LYPLAL1: variants seen among roughly 807,000 people sequenced by gnomAD.
The protein encoded by LYPLAL1 is lysophospholipase-like protein 1.
A neutral mutation model predicts 19.7 loss-of-function variants in LYPLAL1; 23 were observed. The ratio of observed to expected loss-of-function variants is 1.17; its 90% CI spans 0.84 to 1.65. The LOEUF (loss-of-function observed/expected upper bound fraction) is 1.65, where lower values mean the gene tolerates loss of function less well. LYPLAL1 is among the 40% of genes most tolerant of loss of function. The pLI, the probability that LYPLAL1 is intolerant of heterozygous loss-of-function variation, is 0.00. For synonymous variants in LYPLAL1, 119 were observed against 96.3 expected (o/e 1.24, Z -1.38); for missense variants, 355 against 279.4 (o/e 1.27, Z -1.93).
the LYPLAL1 span, among the ~76,000 whole-genome samples, chr1:219,403,124 G>A: frequency 6.6e-6 from 1 of 152,320 alleles, no homozygotes; most frequent in Non-Finnish European, 1.5e-5. Context: ...CATCATAGTA[G>A]TCAGAAAGAC....
chr1:219,273,936 A>G, the LYPLAL1 span, among the ~76,000 whole-genome samples: 1 of 151,934 alleles, frequency 6.6e-6, no homozygotes, highest in Non-Finnish European at 1.5e-5. Flanking sequence ...AATTTTTTAT[A>G]TGTTTAGCAG....
At chr1:219,398,258 C>A in the LYPLAL1 span, among the ~76,000 whole-genome samples, 1 of 152,100 alleles carries the variant, frequency 6.6e-6, no homozygotes, top group Admixed American at 6.5e-5. Flanking sequence ...CCCTTTTATT[C>A]TTTTTTTCTC....
At chr1:219,364,610 T>G in the LYPLAL1 span, among the ~76,000 whole-genome samples, 1 of 152,182 alleles carries the variant, frequency 6.6e-6, no homozygotes, top group Non-Finnish European at 1.5e-5. Context: ...GAATGCAAAC[T>G]CCATAGTGTG....
At chr1:219,380,531 C>T in the LYPLAL1 span, among the ~76,000 whole-genome samples, 2 of 152,194 alleles carry the variant, frequency 1.3e-5, no homozygotes, top group Non-Finnish European at 1.5e-5. Flanking sequence ...GTGCTGGATT[C>T]GAAGCTGTCA....
chr1:219,306,800 G>GATAGATA, the LYPLAL1 span, among the ~76,000 whole-genome samples: 15 of 102,356 alleles, frequency 1.5e-4, no homozygotes, highest in African/African-American at 4.2e-4. Flanking sequence ...ATAGACAGAT[G>GATAGATA]CATAGATAGA....
chr1:219,263,696 G>A, the LYPLAL1 span, among the ~76,000 whole-genome samples: 2 of 152,152 alleles, frequency 1.3e-5, no homozygotes, highest in South Asian at 2.1e-4. Flanking sequence ...ACCTGGGAGT[G>A]CCTACAGGGC....
chr1:219,355,660 C>T, the LYPLAL1 span, among the ~76,000 whole-genome samples: 17 of 151,778 alleles, frequency 1.1e-4, no homozygotes, highest in Non-Finnish European at 2.1e-4. Context: ...TACATGAAAT[C>T]GCAAATATAC....
chr1:219,251,905 C>T, the LYPLAL1 span, among the ~76,000 whole-genome samples: 1 of 152,018 alleles, frequency 6.6e-6, no homozygotes, highest in Non-Finnish European at 1.5e-5. Flanking sequence ...TTTTCCTATC[C>T]ATGAGCATGA....
chr1:219,394,152 A>T, the LYPLAL1 span, among the ~76,000 whole-genome samples: 4,515 of 152,260 alleles, frequency 0.03, 92 homozygotes, highest in South Asian at 0.058. Flanking sequence ...TAAAAGTAAC[A>T]TGAGATATGA....
the LYPLAL1 span, among the ~76,000 whole-genome samples, chr1:219,230,194 C>T: frequency 2.2e-4 from 34 of 152,276 alleles, no homozygotes; most frequent in African/African-American, 7.7e-4. Flanking sequence ...CTCACTGCAA[C>T]CTCCGCCTCC....
the LYPLAL1 span, among the ~76,000 whole-genome samples, chr1:219,261,993 G>A: frequency 6.6e-6 from 1 of 152,008 alleles, no homozygotes; most frequent in South Asian, 2.1e-4. Flanking sequence ...TTATTCTTAG[G>A]TTTAGTCGTT....
At chr1:219,188,009 G>A (rs546850256) in intron 2 of LYPLAL1, among the ~76,000 whole-genome samples, 2 of 151,808 alleles carry the variant, frequency 1.3e-5, no homozygotes, top group Non-Finnish European at 2.9e-5. Context: ...GATTTTATAA[G>A]AGTTAAAGTC....
chr1:219,429,668 A>T, the LYPLAL1 span, among the ~76,000 whole-genome samples: 584 of 152,276 alleles, frequency 3.8e-3, 4 homozygotes, highest in Middle Eastern at 6.8e-3. Flanking sequence ...AAAAAATAAA[A>T]AAATAAATAA....
chr1:219,330,097 T>G, the LYPLAL1 span, among the ~76,000 whole-genome samples: 1 of 152,160 alleles, frequency 6.6e-6, no homozygotes. Flanking sequence ...TATCCTTCAG[T>G]CATGTGAGGA....
At chr1:219,233,120 T>C in the LYPLAL1 span, among the ~76,000 whole-genome samples, 1 of 152,202 alleles carries the variant, frequency 6.6e-6, no homozygotes, top group Admixed American at 6.5e-5. Context: ...AACCCAAATG[T>C]CCATCAATAG....
At chr1:219,364,076 A>T in the LYPLAL1 span, among the ~76,000 whole-genome samples, 83 of 152,298 alleles carry the variant, frequency 5.4e-4, no homozygotes, top group Non-Finnish European at 4.7e-4. Context: ...TCTGCATGTG[A>T]TGACCAGCTA....
At chr1:219,408,342 T>G in the LYPLAL1 span, among the ~76,000 whole-genome samples, 1 of 152,146 alleles carries the variant, frequency 6.6e-6, no homozygotes, top group Non-Finnish European at 1.5e-5. Context: ...GAGAAGAAAC[T>G]TTGGGTTGAT....
chr1:219,307,059 A>G, the LYPLAL1 span, among the ~76,000 whole-genome samples: 2 of 142,568 alleles, frequency 1.4e-5, no homozygotes, highest in Admixed American at 1.4e-4. Context: ...TATATATATA[A>G]TCATCTCATC....
At chr1:219,189,594 G>A (rs1334597339) in intron 2 of LYPLAL1, among the ~76,000 whole-genome samples, 1 of 151,498 alleles carries the variant, frequency 6.6e-6, no homozygotes, top group African/African-American at 2.4e-5. Flanking sequence ...ACAGCTTCTG[G>A]GGTCAGAAGG....
Sources: allele counts gnomAD v4.1 joint callset (sites outside exome capture counted in the v4.1 genomes callset), GRCh38; gene constraint gnomAD v4.1.1; transcripts MANE v1.5; gene names NCBI Gene and HGNC (gene_info 2026-07-23, HGNC 2026-07-21).